Variants in DBF4B observed in about 807,000 individuals in gnomAD.
The protein encoded by DBF4B is protein DBF4 homolog B.
A neutral mutation model predicts 53.4 loss-of-function variants in DBF4B; 49 were observed. The ratio of observed to expected loss-of-function variants is 0.92; its 90% CI spans 0.73 to 1.16. The LOEUF is 1.16. Among genes scored for constraint, DBF4B ranks in the 50% most tolerant of loss-of-function variants. The probability of loss-of-function intolerance (pLI) is 0.00; values close to 1 mark genes in which losing one functional copy is unlikely to be tolerated. For missense variants in DBF4B, 692 were observed against 775.0 expected (o/e 0.89, Z 1.27); for synonymous variants, 257 against 288.7 (o/e 0.89, Z 1.11).
chr17:44,740,580 T>C (rs1445453498), intron 9 of DBF4B, among the ~76,000 whole-genome samples: 1 of 152,184 alleles, frequency 6.6e-6, no homozygotes, highest in African/African-American at 2.4e-5. Context: ...ACTGTTCTGG[T>C]TTAAACATTC....
chr17:44,732,491 C>T (rs1273091344), intron 6 of DBF4B: 3 of 524,338 alleles, frequency 5.7e-6, no homozygotes, highest in Non-Finnish European at 1.0e-5. Flanking sequence ...GTCCCTAGAA[C>T]ATGCCGTTTC....
chr17:44,711,730 C>T (rs763148156), intron 2 of DBF4B, among the ~76,000 whole-genome samples: 8 of 152,100 alleles, frequency 5.3e-5, no homozygotes, highest in East Asian at 1.9e-4. Flanking sequence ...AGGGGGATCA[C>T]GAGGTCAGGA....
rs371197470 is a variant in DBF4B, at chr17:44,709,035, A to C, written c.19+196A>C. ...AGGTGGCAGAGGAACGTAGGGGACAACAGCCTGGAGGGATGTATGGAGATT... is the reference window on the plus strand; with the variant it reads ...AGGTGGCAGAGGAACGTAGGGGACACCAGCCTGGAGGGATGTATGGAGATT... On this transcript the variant is annotated intron_variant, in intron 1 of 13. Transcript: ENST00000315005. 129 of 799,904 alleles carry C rather than the reference A, an allele frequency of 1.6e-4. No individual in the cohort carries two copies. The African/African-American group carries it at 2.0e-3, about 13-fold the overall frequency. 49.6% of individuals were successfully genotyped at this position (799,904 alleles called of 1,614,324 possible).
intron 10 of DBF4B, among the ~76,000 whole-genome samples, chr17:44,742,324 G>T (rs8069450): frequency 2.0e-5 from 3 of 151,104 alleles, no homozygotes; most frequent in East Asian, 3.9e-4. Flanking sequence ...GCAGGAGAAT[G>T]GCTTGAACCC....
At chr17:44,739,086 C>A (rs563616063) in intron 9 of DBF4B, among the ~76,000 whole-genome samples, 1 of 152,230 alleles carries the variant, frequency 6.6e-6, no homozygotes, top group South Asian at 2.1e-4. Flanking sequence ...TCCTGCCTAC[C>A]CTGTCTTGTG....
intron 1 of DBF4B, 46 bp from the exon 2 acceptor site, chr17:44,709,258 C>T (rs371660630): frequency 5.4e-5 from 87 of 1,612,890 alleles, no homozygotes; most frequent in Middle Eastern, 1.6e-4. Flanking sequence ...ATGGAAGTTC[C>T]AAGGGTTGGT....
At chr17:44,711,733 G>A (rs991604574) in intron 2 of DBF4B, among the ~76,000 whole-genome samples, 2 of 152,024 alleles carry the variant, frequency 1.3e-5, no homozygotes, top group Non-Finnish European at 2.9e-5. Flanking sequence ...GGGATCACGA[G>A]GTCAGGAGAT....
chr17:44,731,907 C>G (rs1166918434), intron 5 of DBF4B: 1 of 390,764 alleles, frequency 2.6e-6, no homozygotes, highest in Non-Finnish European at 4.7e-6. Flanking sequence ...CTCTCAGAAG[C>G]ATCTGTTCCT....
intron 2 of DBF4B, among the ~76,000 whole-genome samples, chr17:44,722,632 G>A (rs1240704113): frequency 1.3e-5 from 2 of 152,202 alleles, no homozygotes; most frequent in Admixed American, 1.3e-4. Flanking sequence ...GGCTTCCCTA[G>A]ATTTAGATTC....
chr17:44,751,610 C>CAAG lies in DBF4B; in HGVS notation c.*358_*359insAGA. 1 of 1,360,268 alleles carries CAAG rather than the reference C, an allele frequency of 7.4e-7. No homozygotes were observed. Among genetic ancestry groups the CAAG allele is most frequent in the East Asian group, 2.9e-5 (1 of 34,692 alleles). The allele number at this position is 1,360,268 out of a possible 1,614,324, so 84.3% of individuals were successfully genotyped here. A position where few individuals can be genotyped will look rare whatever the true frequency, so the allele number is the denominator to read the frequency against. The stretch of plus-strand genomic sequence containing the variant: ...AATGCCATGCTCCTCTCCTGGAAAA[C>CAAG]ACTTGAGTTGATTCAGTAAATCGAC... On this transcript the variant is annotated 3_prime_UTR_variant, in exon 14 of 14. Coordinates refer to ENST00000315005, the MANE Select transcript of DBF4B (RefSeq NM_145663.3).
rs759691724 is a variant in DBF4B, at chr17:44,747,385, C to T, written c.940-6C>T. 1.3e-5 allele frequency: 21 copies of T among 1,613,502 alleles called. No homozygotes were observed. The highest frequency in any genetic ancestry group is 1.6e-4 in the Middle Eastern group (1 of 6,080). On this transcript the variant is annotated splice_polypyrimidine_tract_variant and splice_region_variant and intron_variant, in intron 11 of 13. Transcript: ENST00000315005. ...AATGCCCTGTGCTCCTCTCCCCCGC[C>T]GGCAGCATCTTCAGAGTGCCCAGCA...
chr17:44,731,420 G>A, intron 5 of DBF4B: 1 of 199,628 alleles, frequency 5.0e-6, no homozygotes, highest in Non-Finnish European at 1.0e-5. Flanking sequence ...GACCAGCTTG[G>A]CCAACATGGC....
intron 3 of DBF4B, 148 bp downstream of exon 3, chr17:44,723,170 G>C: frequency 8.8e-7 from 1 of 1,132,758 alleles, no homozygotes; most frequent in Non-Finnish European, 1.2e-6. Context: ...GCAGTGGCAT[G>C]ATCTCAGCTC....
At chr17:44,732,300 A>G in intron 6 of DBF4B, 35 bp downstream of exon 6, 1 of 1,608,280 alleles carries the variant, frequency 6.2e-7, no homozygotes. Context: ...GTGGAGGGAG[A>G]ATTGGTGACT....
In DBF4B at chr17:44,749,265, ACCCCAG is replaced by A. The variant is rs755321656; in HGVS notation, c.1189+818_1189+823del. On this transcript the variant is annotated intron_variant, in intron 13 of 13. Coordinates refer to ENST00000315005, the MANE Select transcript of DBF4B (RefSeq NM_145663.3). The surrounding 1 kb of genome is among the most constrained non-coding windows in gnomAD (Gnocchi z 4.4). Reference sequence around the variant, plus strand: ...TCCCTGTCTCCCAGCCCTGGTCCCAACCCCAGCCCCAGCCCCAGCCCCATGCTGGCA... The same window carrying A: ...TCCCTGTCTCCCAGCCCTGGTCCCAACCCCAGCCCCAGCCCCATGCTGGCA... The A allele has an allele frequency of 8.8e-5, 113 of 1,290,004 alleles. No homozygotes were observed. Among genetic ancestry groups the A allele is most frequent in the Middle Eastern group, 2.1e-4 (1 of 4,704 alleles). 79.9% of individuals were successfully genotyped at this position (1,290,004 alleles called of 1,614,324 possible).
At chr17:44,734,638 T>G (rs1480061091) in intron 7 of DBF4B, among the ~76,000 whole-genome samples, 2 of 152,246 alleles carry the variant, frequency 1.3e-5, no homozygotes, top group Admixed American at 6.5e-5. Context: ...GTGTACTACA[T>G]CAAGAGAGCC....
In DBF4B at chr17:44,747,031, C is replaced by T; in HGVS notation, c.831-52C>T. The T allele has an allele frequency of 1.9e-6, 3 of 1,551,716 alleles. No individual in the cohort carries two copies. In the South Asian group the frequency reaches 3.3e-5, roughly 17 times the overall value. ...TCCAGGCTCTAAGTAGTGGCTCCTC[C>T]CCCCAAGGGCCCCAGCAGTAACCAC... On this transcript the variant is annotated intron_variant, in intron 10 of 13. Transcript: ENST00000315005.
At chr17:44,723,180 CACTGCA>C (rs750248147) in intron 3 of DBF4B, among the ~76,000 whole-genome samples, 158 bp downstream of exon 3, 3 of 152,206 alleles carry the variant, frequency 2.0e-5, no homozygotes, top group Non-Finnish European at 4.4e-5. Flanking sequence ...GATCTCAGCT[CACTGCA>C]ACCTCTGCCT....
At position 44,749,843 on chromosome 17, in the gene DBF4B, T is replaced by C. The variant is rs1056632380; in HGVS notation, c.1190-752T>C. On this transcript the variant is annotated intron_variant, in intron 13 of 13. Transcript: ENST00000315005. This position sits in a 1 kb window ranked among gnomAD's most constrained non-coding sequence, Gnocchi z 4.4. ...CCCGGCCTCCTTTCTCACGAGCATG[T>C]GGCCGCTCCTGCTTTCCAAAATGAC... 136 of 1,032,558 alleles carry C rather than the reference T, an allele frequency of 1.3e-4. No homozygotes were observed. Among genetic ancestry groups the C allele is most frequent in the Non-Finnish European group, 1.5e-4 (132 of 858,196 alleles). 64.0% of individuals were successfully genotyped at this position (1,032,558 alleles called of 1,614,324 possible).
Sources: allele counts gnomAD v4.1 joint callset (sites outside exome capture counted in the v4.1 genomes callset), GRCh38; gene constraint gnomAD v4.1.1; non-coding constraint Gnocchi (gnomAD v3.1); transcripts MANE v1.5; gene names NCBI Gene and HGNC (gene_info 2026-07-23, HGNC 2026-07-21).